The following SLC28A3 variants were observed in gnomAD, a reference collection of about 807,000 sequenced individuals.
SLC28A3 encodes the protein solute carrier family 28 member 3.
Under a neutral mutation model 84.2 loss-of-function variants are expected in SLC28A3, and 68 were observed. That is an observed-to-expected ratio of 0.81 (90% CI 0.66 to 0.99). SLC28A3 has a LOEUF of 0.99. Ranked by LOEUF, SLC28A3 falls within the 50% of genes least tolerant of loss-of-function variation. SLC28A3 has a pLI of 0.00. For synonymous variants in SLC28A3, 267 were observed against 303.6 expected (o/e 0.88, Z 1.25); for missense variants, 712 against 841.5 (o/e 0.85, Z 1.90).
At chr9:84,311,071 T>G (rs1205007666) in intron 2 of SLC28A3, among the ~76,000 whole-genome samples, 1 of 152,164 alleles carries the variant, frequency 6.6e-6, no homozygotes, top group Non-Finnish European at 1.5e-5. Context: ...GCCAGGCCGC[T>G]GGAGAGAGTT....
chr9:84,286,604 T>G lies in SLC28A3; in HGVS notation c.1281-493A>C, dbSNP rs886615347. On this transcript the variant is annotated intron_variant, in intron 12 of 17. Transcript: ENST00000376238. ...TTTGGGGACATTTATAATAAAAAATTGGAAAATGATAAAAAATTACAAGTT... is the reference window on the plus strand; with the variant it reads ...TTTGGGGACATTTATAATAAAAAATGGGAAAATGATAAAAAATTACAAGTT... Among the ~76,000 whole-genome samples the G allele has an allele frequency of 7.9e-5, 12 of 152,020 alleles. 1 individual carries two copies. The highest frequency in any genetic ancestry group is 2.9e-4 in the African/African-American group (12 of 41,382).
intron 14 of SLC28A3, among the ~76,000 whole-genome samples, chr9:84,282,522 T>C (rs1302260928): frequency 1.3e-5 from 2 of 152,222 alleles, no homozygotes; most frequent in African/African-American, 4.8e-5. Context: ...GTGGGAAAGT[T>C]AGGATGCCCA....
At chr9:84,357,278 A>G in the SLC28A3 span, among the ~76,000 whole-genome samples, 1 of 152,184 alleles carries the variant, frequency 6.6e-6, no homozygotes, top group African/African-American at 2.4e-5. Context: ...GAGAAGTAAA[A>G]ATATGGGGTT....
chr9:84,292,733 G>A lies in SLC28A3; in HGVS notation c.958C>T (p.Leu320=). The change falls in exon 10 of 18, where the codon CTA becomes TTA. Residue 320 remains leucine (L), a synonymous_variant. Coordinates refer to ENST00000376238, the MANE Select transcript of SLC28A3 (RefSeq NM_001199633.2). ...ATAGGAGATGATCCCGTAGTAACTA[G>A]CATGATCCATCCAACCTAAAAGGAA... The part of the protein sequence containing the change: ...WIIRKVGWIM[L]VTTGSSPIES... The A allele has an allele frequency of 6.3e-7, 1 of 1,580,518 alleles. No individual in the cohort carries two copies. Among genetic ancestry groups the A allele is most frequent in the African/African-American group, 1.4e-5 (1 of 73,182 alleles).
chr9:84,290,384 T>A, intron 10 of SLC28A3, 105 bp from the exon 11 acceptor site: 1 of 1,423,990 alleles, frequency 7.0e-7, no homozygotes, highest in Non-Finnish European at 9.5e-7. Context: ...AGACAGTTTC[T>A]AAGAGTGAAC....
chr9:84,367,922 C>G, the SLC28A3 span, among the ~76,000 whole-genome samples: 6 of 152,312 alleles, frequency 3.9e-5, no homozygotes, highest in African/African-American at 1.2e-4. Flanking sequence ...CGGAGACATT[C>G]CATTCTCAGG....
the SLC28A3 span, among the ~76,000 whole-genome samples, chr9:84,361,477 GA>G: frequency 6.6e-6 from 1 of 152,186 alleles, no homozygotes; most frequent in African/African-American, 2.4e-5. Flanking sequence ...TTCAGAAAAA[GA>G]AATGCTGTTC....
In SLC28A3 at chr9:84,286,011, G is replaced by A. The variant is rs7853758; in HGVS notation, c.1381C>T (p.Leu461=). ...GACAGGGCTGAATTCATAAAAGACAGCAGGGCCAGGAAGGCAATCAGATTC... is the reference window on the plus strand; with the variant it reads ...GACAGGGCTGAATTCATAAAAGACAACAGGGCCAGGAAGGCAATCAGATTC... ...AVNLIAFLAL[L]SFMNSALSWF... The change falls in exon 13 of 18, where the codon CTG becomes TTG. Residue 461 remains leucine, a synonymous_variant. Transcript: ENST00000376238. 240,292 of 1,613,680 alleles carry A rather than the reference G, an allele frequency of 0.15. 19,647 individuals carry two copies. Among genetic ancestry groups the A allele is most frequent in the African/African-American group, 0.31 (23,562 of 74,928 alleles).
intron 9 of SLC28A3, 123 bp from the exon 10 acceptor site, chr9:84,292,871 A>C (rs1825293985): frequency 9.6e-6 from 6 of 624,832 alleles, no homozygotes. Context: ...TCAGCAAGCT[A>C]ATGATGGAGC....
intron 5 of SLC28A3, among the ~76,000 whole-genome samples, chr9:84,301,011 C>G (rs1440983517): frequency 6.6e-6 from 1 of 151,786 alleles, no homozygotes; most frequent in Non-Finnish European, 1.5e-5. Context: ...TCTCATATAC[C>G]CCGTAAATAT....
intron 1 of SLC28A3, among the ~76,000 whole-genome samples, chr9:84,331,236 TTGTG>T (rs528922469): frequency 6.6e-6 from 1 of 152,116 alleles, no homozygotes; most frequent in Non-Finnish European, 1.5e-5. Context: ...TCATGTGTTT[TTGTG>T]TGTGTGTGTT....
chr9:84,364,187 C>T, the SLC28A3 span, among the ~76,000 whole-genome samples: 4 of 146,344 alleles, frequency 2.7e-5, no homozygotes, highest in South Asian at 2.1e-4. Context: ...TGCAATGGCA[C>T]GATCTCGGCT....
At chr9:84,298,132 C>T (rs1457721825) in intron 6 of SLC28A3, 113 bp from the exon 7 acceptor site, 5 of 839,660 alleles carry the variant, frequency 6.0e-6, no homozygotes, top group Non-Finnish European at 9.5e-6. Flanking sequence ...TGGCCTGTCA[C>T]CCACCTTCTT....
the SLC28A3 span, among the ~76,000 whole-genome samples, chr9:84,351,532 G>A: frequency 2.6e-5 from 4 of 151,852 alleles, no homozygotes; most frequent in Admixed American, 6.6e-5. Flanking sequence ...GGTGGCATGC[G>A]CCTATAGTAC....
At position 84,275,591 on chromosome 9, in the gene SLC28A3, C is replaced by T. The variant is rs1824502592; in HGVS notation, c.*2627G>A. The T allele has an allele frequency of 6.6e-6, 1 of 152,226 alleles. No homozygotes were observed. Among genetic ancestry groups the T allele is most frequent in the Non-Finnish European group, 1.5e-5 (1 of 68,050 alleles). The allele number at this position is 152,226 out of a possible 1,614,324, so 9.4% of individuals were successfully genotyped here. On this transcript the variant is annotated 3_prime_UTR_variant, in exon 18 of 18. Coordinates refer to ENST00000376238, the MANE Select transcript of SLC28A3 (RefSeq NM_001199633.2). ...GAAACTGGGGAAGACAAGCAGCCTC[C>T]AGCTTCTATGTCTACTAAAGAGGAA... is the stretch of plus-strand genomic sequence containing the variant.
intron 2 of SLC28A3, 95 bp downstream of exon 2, chr9:84,313,263 AG>A: frequency 9.9e-7 from 1 of 1,010,056 alleles, no homozygotes; most frequent in Non-Finnish European, 1.5e-6. Context: ...TCTGCGTGCC[AG>A]TGGGGCGCCA....
At chr9:84,307,840 C>T (rs1408052358) in intron 3 of SLC28A3, among the ~76,000 whole-genome samples, 1 of 152,182 alleles carries the variant, frequency 6.6e-6, no homozygotes. Flanking sequence ...TGAAAGTAGA[C>T]ACTTTGGTCA....
At chr9:84,278,805 T>C (rs969007579) in intron 17 of SLC28A3, among the ~76,000 whole-genome samples, 32 of 152,020 alleles carry the variant, frequency 2.1e-4, no homozygotes, top group African/African-American at 7.5e-4. Flanking sequence ...AGCCTGAATT[T>C]TGTATCTCAC....
At chr9:84,365,552 G>T in the SLC28A3 span, among the ~76,000 whole-genome samples, 24 of 152,104 alleles carry the variant, frequency 1.6e-4, 1 homozygote, top group Middle Eastern at 0.02. Flanking sequence ...TGCTTGTGGG[G>T]TATTTCTCAA....
Sources: allele counts gnomAD v4.1 joint callset (sites outside exome capture counted in the v4.1 genomes callset), GRCh38; gene constraint gnomAD v4.1.1; transcripts MANE v1.5; gene names NCBI Gene and HGNC (gene_info 2026-07-23, HGNC 2026-07-21).